AP3S1: variants seen among roughly 807,000 people sequenced by gnomAD.
AP3S1 encodes adaptor related protein complex 3 subunit sigma 1, also known as AP-3 complex subunit sigma-1.
AP3S1 carries 12 observed loss-of-function variants against 21.3 expected under a neutral mutation model. The ratio of observed to expected loss-of-function variants is 0.56; its 90% CI spans 0.36 to 0.91. The LOEUF (loss-of-function observed/expected upper bound fraction) is 0.91, where lower values mean the gene tolerates loss of function less well. Ranked by LOEUF, AP3S1 falls within the 40% of genes least tolerant of loss-of-function variation. The pLI is 0.01. For synonymous variants in AP3S1, 48 were observed against 78.4 expected (o/e 0.61, Z 2.05); for missense variants, 116 against 225.0 (o/e 0.52, Z 3.10).
chr5:115,873,198 A>G (rs966294861), intron 3 of AP3S1, among the ~76,000 whole-genome samples: 14 of 152,206 alleles, frequency 9.2e-5, no homozygotes, highest in Non-Finnish European at 1.5e-4. Context: ...AAGTAGTTCT[A>G]TCTCCAAAGG....
intron 1 of AP3S1, among the ~76,000 whole-genome samples, chr5:115,858,460 C>T (rs942780887): frequency 3.3e-5 from 5 of 152,118 alleles, no homozygotes; most frequent in African/African-American, 1.2e-4. Flanking sequence ...GTTTTTTGGG[C>T]AGAGTTTCTA....
intron 3 of AP3S1, among the ~76,000 whole-genome samples, chr5:115,891,494 C>G (rs1020925591): frequency 1.3e-5 from 2 of 152,130 alleles, no homozygotes; most frequent in Non-Finnish European, 2.9e-5. Context: ...ATTCTTGTGA[C>G]CCCCCTCCTC....
intron 3 of AP3S1, among the ~76,000 whole-genome samples, chr5:115,875,668 G>A (rs576277895): frequency 1.3e-5 from 2 of 152,118 alleles, no homozygotes; most frequent in Admixed American, 6.5e-5. Flanking sequence ...CTGGCCTAGC[G>A]AGCTTATTTT....
At chr5:115,901,008 CTG>C (rs887581472) in intron 4 of AP3S1, among the ~76,000 whole-genome samples, 1 of 152,118 alleles carries the variant, frequency 6.6e-6, no homozygotes, top group African/African-American at 2.4e-5. Flanking sequence ...TGTTGATTCA[CTG>C]TTTTAAATTT....
chr5:115,882,036 T>G (rs1749341434), intron 3 of AP3S1, among the ~76,000 whole-genome samples: 2 of 151,880 alleles, frequency 1.3e-5, no homozygotes, highest in Non-Finnish European at 2.9e-5. Flanking sequence ...CCTGCTGTGT[T>G]TTTCAGCTCC....
intron 1 of AP3S1, 59 bp from the exon 2 acceptor site, chr5:115,866,611 T>C: frequency 8.5e-7 from 1 of 1,179,968 alleles, no homozygotes; most frequent in Non-Finnish European, 1.2e-6. Context: ...TTAAAAATTC[T>C]TAAAATGCTA....
intron 3 of AP3S1, among the ~76,000 whole-genome samples, chr5:115,881,479 A>T (rs1749281418): frequency 1.3e-5 from 2 of 152,128 alleles, no homozygotes. Context: ...GCTGGATATG[A>T]AATGCTGGGT....
Sources: allele counts gnomAD v4.1 joint callset (sites outside exome capture counted in the v4.1 genomes callset), GRCh38; gene constraint gnomAD v4.1.1; transcripts MANE v1.5; gene names NCBI Gene and HGNC (gene_info 2026-07-23, HGNC 2026-07-21).